CAMTA1: variants seen among roughly 807,000 people sequenced by gnomAD.
The protein encoded by CAMTA1 is calmodulin binding transcription activator 1.
A neutral mutation model predicts 170.9 loss-of-function variants in CAMTA1; 27 were observed. That is an observed-to-expected ratio of 0.16 (90% CI 0.12 to 0.22). The LOEUF is 0.22. CAMTA1 is among the 10% of genes least tolerant of loss of function. CAMTA1 has a pLI of 1.00. For synonymous variants in CAMTA1, 833 were observed against 891.5 expected, an observed-to-expected ratio of 0.93 and a Z score of 1.17; for missense variants, 1,619 against 2,217.2, an observed-to-expected ratio of 0.73 and a Z score of 5.42.
intron 6 of CAMTA1, among the ~76,000 whole-genome samples, chr1:7,550,205 C>A (rs2094780058): frequency 6.6e-6 from 1 of 152,030 alleles, no homozygotes; most frequent in African/African-American, 2.4e-5. Flanking sequence ...ATCCACAGCT[C>A]CCAGAGTGGT....
intron 5 of CAMTA1, among the ~76,000 whole-genome samples, chr1:7,355,117 A>C (rs2084995886): frequency 6.6e-6 from 1 of 151,766 alleles, no homozygotes; most frequent in African/African-American, 2.4e-5. Context: ...AAGGCAGGAG[A>C]ATCGCTTGAA....
chr1:6,844,524 A>G (rs1657187558), intron 3 of CAMTA1, among the ~76,000 whole-genome samples: 1 of 151,114 alleles, frequency 6.6e-6, no homozygotes, highest in Non-Finnish European at 1.5e-5. Flanking sequence ...AAAAAAAAAA[A>G]AAAATGCAAA....
intron 3 of CAMTA1, among the ~76,000 whole-genome samples, chr1:6,947,456 A>G (rs1306308763): frequency 1.4e-5 from 2 of 147,880 alleles, no homozygotes; most frequent in Non-Finnish European, 3.0e-5. Context: ...GCTCACTGCA[A>G]CCTCCACCTT....
chr1:7,504,950 C>A (rs1297490922), intron 6 of CAMTA1, among the ~76,000 whole-genome samples: 1 of 150,570 alleles, frequency 6.6e-6, no homozygotes, highest in Non-Finnish European at 1.5e-5. Flanking sequence ...CACAAGCACA[C>A]AGATGCCTCA....
chr1:7,746,700 C>T (rs116021675), intron 18 of CAMTA1, among the ~76,000 whole-genome samples: 2,388 of 152,272 alleles, frequency 0.016, 68 homozygotes, highest in African/African-American at 0.054. Flanking sequence ...TGCAGTGGTG[C>T]AATCTCTGCT....
intron 4 of CAMTA1, among the ~76,000 whole-genome samples, chr1:7,147,735 A>G (rs985967158): frequency 2.0e-5 from 3 of 151,336 alleles, no homozygotes; most frequent in Non-Finnish European, 2.9e-5. Flanking sequence ...ACACACACTC[A>G]TACACCATGC....
intron 5 of CAMTA1, among the ~76,000 whole-genome samples, chr1:7,448,083 A>AAACGC (rs1336102748): frequency 6.6e-6 from 1 of 152,138 alleles, no homozygotes; most frequent in African/African-American, 2.4e-5. Flanking sequence ...TCCTCATTCC[A>AAACGC]AACGCATGTG....
At chr1:7,057,270 C>T (rs956969779) in intron 3 of CAMTA1, among the ~76,000 whole-genome samples, 15 of 152,328 alleles carry the variant, frequency 9.8e-5, no homozygotes, top group Admixed American at 5.2e-4. Flanking sequence ...GGCGAGCTCC[C>T]GTCCCGGTTC....
intron 10 of CAMTA1, among the ~76,000 whole-genome samples, chr1:7,672,314 C>T (rs1047555875): frequency 2.0e-5 from 3 of 152,134 alleles, no homozygotes; most frequent in Non-Finnish European, 4.4e-5. Context: ...CTTGGCTGCC[C>T]CAGCTGTCTG....
intron 5 of CAMTA1, among the ~76,000 whole-genome samples, chr1:7,264,241 A>G (rs1392949290): frequency 2.6e-5 from 4 of 152,328 alleles, no homozygotes; most frequent in South Asian, 2.1e-4. Context: ...CATTGATAGC[A>G]AGTCCCTGGT....
intron 5 of CAMTA1, among the ~76,000 whole-genome samples, chr1:7,400,111 A>G (rs1370071516): frequency 1.3e-5 from 2 of 152,140 alleles, no homozygotes; most frequent in Non-Finnish European, 2.9e-5. Context: ...CATAATGAAG[A>G]TATTTGTCAG....
chr1:7,114,301 G>A lies in CAMTA1; in HGVS notation c.302+22930G>A, dbSNP rs986525490. 2.0e-5 allele frequency among the ~76,000 whole-genome samples: 3 copies of A among 152,122 alleles called. No individual in the cohort carries two copies. The East Asian group carries it at 5.8e-4, about 29-fold the overall frequency. On this transcript the variant is annotated intron_variant, in intron 4 of 22. Transcript: ENST00000303635. The stretch of plus-strand genomic sequence containing the variant: ...CTCTGGAGAAACAGAACCAACGTGT[G>A]CCTCTGTGTGTGTGTGTATGTGTGT...
At position 7,766,577 on chromosome 1, in the gene CAMTA1, A is replaced by C. The variant is rs982884245; in HGVS notation, c.*86A>C. 39 of 1,100,538 alleles carry C rather than the reference A, an allele frequency of 3.5e-5. No homozygotes were observed. The East Asian group carries it at 7.8e-4, about 22-fold the overall frequency. The allele number at this position is 1,100,538 out of a possible 1,614,324, so 68.2% of individuals were successfully genotyped here. A position where few individuals can be genotyped will look rare whatever the true frequency, so the allele number is the denominator to read the frequency against. On this transcript the variant is annotated 3_prime_UTR_variant, in exon 23 of 23. Coordinates refer to ENST00000303635, the MANE Select transcript of CAMTA1 (RefSeq NM_015215.4). The stretch of plus-strand genomic sequence containing the variant: ...TTTTTAGCAGAGACATGCAACAACA[A>C]CACACACGCACACACGCACACACAC...
chr1:7,540,477 T>G (rs2094597317), intron 6 of CAMTA1, among the ~76,000 whole-genome samples: 1 of 152,110 alleles, frequency 6.6e-6, no homozygotes. Context: ...GAATAGAAGC[T>G]GGAAGGGTAG....
Position 7,493,482 on chromosome 1 carries a change from C to A in CAMTA1, c.510+25581C>A, listed in dbSNP as rs536667935. Among the ~76,000 whole-genome samples the A allele has an allele frequency of 1.1e-4, 16 of 151,902 alleles. 1 individual carries two copies. The highest frequency in any genetic ancestry group is 1.0e-3 in the Admixed American group (16 of 15,248). On this transcript the variant is annotated intron_variant, in intron 6 of 22. Coordinates refer to ENST00000303635, the MANE Select transcript of CAMTA1 (RefSeq NM_015215.4). ...AAACACACAAAAACATATAAACAGGCGTGCACACACATAACCATACAAACA... is the reference window on the plus strand; with the variant it reads ...AAACACACAAAAACATATAAACAGGAGTGCACACACATAACCATACAAACA...
rs1399718635 is a variant in CAMTA1 at position 7,674,206 on chromosome 1, GT to G, written c.2779+3170del. Among the ~76,000 whole-genome samples the G allele has an allele frequency of 6.6e-6, 1 of 152,202 alleles. No homozygotes were observed. Among genetic ancestry groups the G allele is most frequent in the African/African-American group, 2.4e-5 (1 of 41,454 alleles). ...TGCCCAAGCAAAACAGATGAGCAGG[GT>G]CCTGCCCTGGCAGCTCCCACACCGT... On this transcript the variant is annotated intron_variant, in intron 10 of 22. Coordinates refer to ENST00000303635, the MANE Select transcript of CAMTA1 (RefSeq NM_015215.4). The surrounding 1 kb of genome is among the most constrained non-coding windows in gnomAD (Gnocchi z 4.1).
chr1:7,047,878 G>C (rs1705664553), intron 3 of CAMTA1, among the ~76,000 whole-genome samples: 1 of 152,154 alleles, frequency 6.6e-6, no homozygotes, highest in African/African-American at 2.4e-5. Flanking sequence ...CAGCAACAGA[G>C]CTCTGTGACT....
chr1:7,715,013 C>G (rs181606180), intron 11 of CAMTA1, among the ~76,000 whole-genome samples: 3 of 152,216 alleles, frequency 2.0e-5, no homozygotes, highest in African/African-American at 7.2e-5. Flanking sequence ...TCTGTGTTTT[C>G]TGTGAAACAG....
intron 11 of CAMTA1, among the ~76,000 whole-genome samples, chr1:7,710,629 A>G (rs1331600467): frequency 1.4e-5 from 2 of 147,720 alleles, no homozygotes; most frequent in African/African-American, 2.5e-5. Flanking sequence ...AAAAGAATTT[A>G]TTGACTCTTA....
Sources: gnomAD v4.1 joint callset for allele counts (sites outside exome capture counted in the v4.1 genomes callset) on GRCh38, gnomAD v4.1.1 for gene constraint, Gnocchi (gnomAD v3.1) non-coding constraint, MANE v1.5 for transcripts, NCBI Gene and HGNC (gene_info 2026-07-23, HGNC 2026-07-21) for gene names.